Variants in TUSC3 observed in about 807,000 individuals in gnomAD.
TUSC3 encodes dolichyl-diphosphooligosaccharide--protein glycosyltransferase subunit TUSC3.
In TUSC3, 45 loss-of-function variants were observed where a neutral mutation model predicts 44.8. The observed-to-expected ratio is 1.00, with a 90% CI of 0.79 to 1.29. The LOEUF (loss-of-function observed/expected upper bound fraction) is 1.29, where lower values mean the gene tolerates loss of function less well. TUSC3 is among the 50% of genes most tolerant of loss of function. The probability of loss-of-function intolerance (pLI) is 0.00; values close to 1 mark genes in which losing one functional copy is unlikely to be tolerated. For missense variants in TUSC3, 519 were observed against 437.9 expected, an observed-to-expected ratio of 1.19 and a Z score of -1.65; for synonymous variants, 212 against 152.9, an observed-to-expected ratio of 1.39 and a Z score of -2.85.
intron 2 of TUSC3, among the ~76,000 whole-genome samples, chr8:15,522,831 T>C (rs1801316050): frequency 6.6e-6 from 1 of 152,180 alleles, no homozygotes; most frequent in Admixed American, 6.5e-5. Context: ...TCAAGAATTT[T>C]GATGGTATAA....
At chr8:15,799,910 G>C in the TUSC3 span, among the ~76,000 whole-genome samples, 8 of 152,176 alleles carry the variant, frequency 5.3e-5, no homozygotes, top group Non-Finnish European at 1.2e-4. Context: ...GTTTGTGCCA[G>C]TTTCCTGAGC....
chr8:15,761,898 A>G (rs1812181780), intron 10 of TUSC3, among the ~76,000 whole-genome samples: 1 of 152,162 alleles, frequency 6.6e-6, no homozygotes, highest in Admixed American at 6.6e-5. Context: ...TTATACTGTT[A>G]GATTAAGAAG....
At chr8:15,615,661 T>C (rs1331667728) in intron 1 of TUSC3, among the ~76,000 whole-genome samples, 1 of 152,190 alleles carries the variant, frequency 6.6e-6, no homozygotes, top group Non-Finnish European at 1.5e-5. Flanking sequence ...TTTGAGGTGA[T>C]ACATATTCTA....
chr8:15,719,543 C>T (rs1378821748), intron 6 of TUSC3, among the ~76,000 whole-genome samples: 3 of 149,048 alleles, frequency 2.0e-5, no homozygotes, highest in African/African-American at 7.5e-5. Flanking sequence ...CACACACACA[C>T]ACACAGCCCC....
intron 2 of TUSC3, among the ~76,000 whole-genome samples, chr8:15,639,195 GTGA>G (rs373548323): frequency 3.3e-4 from 50 of 151,464 alleles, no homozygotes; most frequent in Middle Eastern, 6.9e-3. Context: ...CAGGGCTTCA[GTGA>G]TGATGATCAT....
upstream of TUSC3, among the ~76,000 whole-genome samples, chr8:15,535,672 G>A (rs1314613430): frequency 1.3e-5 from 2 of 152,160 alleles, no homozygotes; most frequent in Admixed American, 6.5e-5. Flanking sequence ...TCTGTCCCAT[G>A]GAGTTTGCAT....
intron 2 of TUSC3, among the ~76,000 whole-genome samples, chr8:15,490,144 G>C (rs1488710729): frequency 1.3e-5 from 2 of 152,078 alleles, no homozygotes; most frequent in Non-Finnish European, 2.9e-5. Context: ...TTTTTACATG[G>C]ATATTGGAAA....
chr8:15,570,954 G>GTTTTTTTTTTTTTTT (rs549277334), intron 1 of TUSC3, among the ~76,000 whole-genome samples: 1,861 of 44,408 alleles, frequency 0.042, 670 homozygotes, highest in Non-Finnish European at 0.074. Context: ...TTGCCTATTA[G>GTTTTTTTTTTTTTTT]TTTTTTTTTT....
the TUSC3 span, among the ~76,000 whole-genome samples, chr8:15,773,715 C>G: frequency 1.3e-5 from 2 of 152,086 alleles, no homozygotes; most frequent in Non-Finnish European, 2.9e-5. Context: ...CTACCAGGTA[C>G]CAAACATAGG....
At chr8:15,774,334 G>T in the TUSC3 span, among the ~76,000 whole-genome samples, 1 of 152,042 alleles carries the variant, frequency 6.6e-6, no homozygotes, top group African/African-American at 2.4e-5. Context: ...GTTAAGATGA[G>T]GTCATACTGG....
At chr8:15,813,769 G>GTTT in the TUSC3 span, among the ~76,000 whole-genome samples, 4 of 149,164 alleles carry the variant, frequency 2.7e-5, no homozygotes, top group African/African-American at 9.8e-5. Context: ...TGTGAAAGAG[G>GTTT]TTTTTTTTTT....
intron 2 of TUSC3, among the ~76,000 whole-genome samples, chr8:15,518,567 C>T (rs1801252920): frequency 1.3e-5 from 2 of 152,092 alleles, no homozygotes; most frequent in African/African-American, 2.4e-5. Context: ...TATGAAAATA[C>T]AATCTCAGCT....
intron 6 of TUSC3, among the ~76,000 whole-genome samples, chr8:15,724,705 G>T (rs1193960484): frequency 6.6e-6 from 1 of 152,124 alleles, no homozygotes; most frequent in Non-Finnish European, 1.5e-5. Context: ...GGCAGGTAGT[G>T]AATAAAGGAC....
chr8:15,657,803 G>A (rs1461194056), intron 3 of TUSC3, among the ~76,000 whole-genome samples: 1 of 152,086 alleles, frequency 6.6e-6, no homozygotes, highest in Non-Finnish European at 1.5e-5. Flanking sequence ...GTCCATTTTG[G>A]GCTGCTGTAA....
rs575562857 is a variant in TUSC3 at position 15,643,628 on chromosome 8, AC to A, written c.309-7067del. Among the ~76,000 whole-genome samples, 445 of 152,194 alleles carry A rather than the reference AC, an allele frequency of 2.9e-3. 6 individuals carry two copies. Among genetic ancestry groups the A allele is most frequent in the Non-Finnish European group, 4.2e-3 (283 of 68,006 alleles). On this transcript the variant is annotated intron_variant, in intron 2 of 10. Transcript: ENST00000503731. ...ACAGGGAACAGCTTTAAGAAACACA[AC>A]CTCTTTATCTTACATCTAGTGAATT...
Position 15,730,710 on chromosome 8 carries a change from A to G in TUSC3, c.843A>G (p.Ser281=), listed in dbSNP as rs202151515. 5.0e-6 allele frequency: 8 copies of G among 1,613,226 alleles called. No homozygotes were observed. The African/African-American group carries it at 1.1e-4, about 22-fold the overall frequency. ...GCCAGGCTCAGTTTGTGGCAGAATC[A>G]CACATTATTCTGGTACTGAGTATCC... ...GSSQAQFVAE[S]HIILVLNAAI... is the part of the protein sequence containing the mutation. The change falls in exon 7 of 11, where the codon TCA becomes TCG. Residue 281 remains serine (S), a synonymous_variant. Coordinates refer to ENST00000503731, the MANE Select transcript of TUSC3 (RefSeq NM_006765.4).
the TUSC3 span, among the ~76,000 whole-genome samples, chr8:15,841,958 T>C: frequency 1.3e-5 from 2 of 152,234 alleles, no homozygotes; most frequent in African/African-American, 4.8e-5. Flanking sequence ...TTCCCTGATG[T>C]GTTCTTTAAA....
chr8:15,587,449 A>T (rs1391215556), intron 1 of TUSC3, among the ~76,000 whole-genome samples: 1 of 152,150 alleles, frequency 6.6e-6, no homozygotes, highest in African/African-American at 2.4e-5. Flanking sequence ...TTGACATGTA[A>T]TAACTGTATA....
At chr8:15,605,194 A>T (rs1804469405) in intron 1 of TUSC3, among the ~76,000 whole-genome samples, 1 of 151,888 alleles carries the variant, frequency 6.6e-6, no homozygotes. Flanking sequence ...AGATGGGAAG[A>T]TTAGTATAGG....
Sources: allele counts gnomAD v4.1 joint callset (sites outside exome capture counted in the v4.1 genomes callset), GRCh38; gene constraint gnomAD v4.1.1; transcripts MANE v1.5; gene names NCBI Gene and HGNC (gene_info 2026-07-23, HGNC 2026-07-21).